The following CHD5 variants were observed in gnomAD, a reference collection of about 807,000 sequenced individuals.
CHD5 encodes the protein ATP-dependent chromatin remodeler CHD5.
CHD5 carries 69 observed loss-of-function variants against 230.3 expected under a neutral mutation model. That is an observed-to-expected ratio of 0.30 (90% CI 0.25 to 0.37). CHD5 has a LOEUF of 0.37. Among genes scored for constraint, CHD5 ranks in the 10% least tolerant of loss-of-function variants. CHD5 has a pLI of 1.00. For synonymous variants in CHD5, 1,064 were observed against 1,065.9 expected (o/e 1.00, Z 0.03); for missense variants, 1,827 against 2,622.8 (o/e 0.70, Z 6.63).
At chr1:6,158,037 A>G (rs545173105) in intron 3 of CHD5, among the ~76,000 whole-genome samples, 43 of 152,246 alleles carry the variant, frequency 2.8e-4, no homozygotes, top group Admixed American at 7.8e-4. Flanking sequence ...TTATCTTTAA[A>G]TCTGTGACCA....
rs910649905 is a variant in CHD5 at position 6,180,280 on chromosome 1, C to G, written c.-257G>C. ...CGCCCCGCAGCCCGAGTCCCGCAGC[C>G]GGCCGAGGGTGGCGGCGGCAGCGCC... On this transcript the variant is annotated 5_prime_UTR_variant, in exon 1 of 42. Transcript: ENST00000262450. 2.0e-5 allele frequency among the ~76,000 whole-genome samples: 3 copies of G among 151,024 alleles called. No homozygotes were observed. The highest frequency in any genetic ancestry group is 3.0e-5 in the Non-Finnish European group (2 of 67,652).
chr1:6,139,169 C>T (rs1024423925), intron 15 of CHD5, among the ~76,000 whole-genome samples: 2 of 152,216 alleles, frequency 1.3e-5, no homozygotes, highest in Non-Finnish European at 2.9e-5. Flanking sequence ...AAGAGTTCTG[C>T]AGACTGGTTG....
chr1:6,106,376 G>C lies in CHD5; in HGVS notation c.5857+19C>G. The C allele has an allele frequency of 6.2e-7, 1 of 1,606,904 alleles. No homozygotes were observed. The highest frequency in any genetic ancestry group is 1.1e-5 in the South Asian group (1 of 90,564). The stretch of plus-strand genomic sequence containing the variant: ...GCGGGCACCCGTGTGCATGCTGCCC[G>C]GAGCGGACGGGCACCTACCGGTCAC... On this transcript the variant is annotated intron_variant, in intron 40 of 41. Coordinates refer to ENST00000262450, the MANE Select transcript of CHD5 (RefSeq NM_015557.3).
At chr1:6,107,689 GGATGGAGGGATGATGGAGA>G (rs1234906879) in intron 38 of CHD5, among the ~76,000 whole-genome samples, 1 of 142,190 alleles carries the variant, frequency 7.0e-6, no homozygotes, top group Non-Finnish European at 1.5e-5. Flanking sequence ...GATAATATAG[GGATGGAGGGATGATGGAGA>G]GATGGAGGGA....
intron 15 of CHD5, among the ~76,000 whole-genome samples, chr1:6,137,346 A>C (rs1388387747): frequency 6.6e-6 from 1 of 152,174 alleles, no homozygotes; most frequent in Admixed American, 6.5e-5. Flanking sequence ...AACTCAAGTG[A>C]ACCGCCCACC....
rs1232715298 is a variant in CHD5 at position 6,154,818 on chromosome 1, C to G, written c.587G>C (p.Ser196Thr). ...GCTGCCCTTGAAGGGGTTGTTGGCG[C>G]TGAACTCCCGCCACTTGGCACCCAG... is the stretch of plus-strand genomic sequence containing the variant. Reference protein sequence around the residue: ...TVLGAKWREFSANNPFKGSSA... With the variant: ...TVLGAKWREFTANNPFKGSSA... The change falls in exon 5 of 42, where the codon AGC (serine) becomes ACC (threonine). Residue 196 changes from serine to threonine, a missense_variant. Physicochemically the swap from Ser to Thr is moderately conservative, Grantham distance 58. Coordinates refer to ENST00000262450, the MANE Select transcript of CHD5 (RefSeq NM_015557.3). This position sits in a 1 kb window ranked among gnomAD's most constrained non-coding sequence, Gnocchi z 7.0. 1 of 1,613,794 alleles carries G rather than the reference C, an allele frequency of 6.2e-7. No individual in the cohort carries two copies. The highest frequency in any genetic ancestry group is 2.2e-5 in the East Asian group (1 of 44,886).
chr1:6,136,303 T>A (rs572261502), intron 17 of CHD5, among the ~76,000 whole-genome samples: 1 of 152,286 alleles, frequency 6.6e-6, no homozygotes, highest in African/African-American at 2.4e-5. Context: ...TAGCAGCAGT[T>A]GATATTTACC....
chr1:6,129,963 C>T lies in CHD5; in HGVS notation c.3387+241G>A, dbSNP rs180768181. On this transcript the variant is annotated intron_variant, in intron 22 of 41. Coordinates refer to ENST00000262450, the MANE Select transcript of CHD5 (RefSeq NM_015557.3). This position sits in a 1 kb window ranked among gnomAD's most constrained non-coding sequence, Gnocchi z 6.8. ...AGGAACTGCTGTGCGCCCTGGGACACTTCCCCTGCCCTCTCCAAGCCTGCT... is the reference window on the plus strand; with the variant it reads ...AGGAACTGCTGTGCGCCCTGGGACATTTCCCCTGCCCTCTCCAAGCCTGCT... 6.6e-6 allele frequency among the ~76,000 whole-genome samples: 1 copy of T among 152,310 alleles called. No homozygotes were observed. The highest frequency in any genetic ancestry group is 1.5e-5 in the Non-Finnish European group (1 of 68,016).
At chr1:6,179,678 C>G (rs1431204310) in intron 1 of CHD5, among the ~76,000 whole-genome samples, 2 of 148,662 alleles carry the variant, frequency 1.3e-5, no homozygotes, top group Non-Finnish European at 3.0e-5. Flanking sequence ...CCGCGGTCCT[C>G]TGGCCCGCCT....
At chr1:6,118,370 C>T (rs1666410223) in intron 33 of CHD5, among the ~76,000 whole-genome samples, 2 of 129,162 alleles carry the variant, frequency 1.5e-5, no homozygotes, top group Admixed American at 8.6e-5. Context: ...TAGAGCAAGA[C>T]CCTGTCTCAA....
chr1:6,128,245 G>C lies in CHD5; in HGVS notation c.3731-27C>G. The C allele has an allele frequency of 6.2e-7, 1 of 1,610,276 alleles. No individual in the cohort carries two copies. The highest frequency in any genetic ancestry group is 1.1e-5 in the South Asian group (1 of 90,808). On this transcript the variant is annotated intron_variant, in intron 24 of 41. Transcript: ENST00000262450. This position sits in a 1 kb window ranked among gnomAD's most constrained non-coding sequence, Gnocchi z 7.8. ...TGGGGAGCAGGCAAATGCAGTGTGA[G>C]GACAAAGACTGCCCTGGTCCAGCCC...
intron 3 of CHD5, among the ~76,000 whole-genome samples, chr1:6,156,577 T>C (rs1667084601): frequency 6.7e-6 from 1 of 149,612 alleles, no homozygotes; most frequent in Admixed American, 6.7e-5. Flanking sequence ...CTCCCCAGGA[T>C]GCCAGGTATA....
In CHD5 at chr1:6,180,058, C is replaced by A. The variant is rs920876860; in HGVS notation, c.-35G>T. 1.7e-6 allele frequency: 2 copies of A among 1,186,632 alleles called. No homozygotes were observed. The highest frequency in any genetic ancestry group is 2.0e-5 in the South Asian group (1 of 50,072). 73.5% of individuals were successfully genotyped at this position (1,186,632 alleles called of 1,614,324 possible). On this transcript the variant is annotated 5_prime_UTR_variant, in exon 1 of 42. Coordinates refer to ENST00000262450, the MANE Select transcript of CHD5 (RefSeq NM_015557.3). ...GGGGAGGAGGGGAGGTGGGCGCCCCCCCTCCCGCCGGGCGCGGTGCCAGCC... is the reference window on the plus strand; with the variant it reads ...GGGGAGGAGGGGAGGTGGGCGCCCCACCTCCCGCCGGGCGCGGTGCCAGCC...
chr1:6,141,791 C>A (rs115523333), intron 15 of CHD5, among the ~76,000 whole-genome samples: 82 of 152,234 alleles, frequency 5.4e-4, no homozygotes, highest in African/African-American at 1.9e-3. Flanking sequence ...GAACCCCTGC[C>A]GCCACCAGGA....
chr1:6,127,177 CG>C (rs1179814636), intron 25 of CHD5: 1 of 180,016 alleles, frequency 5.6e-6, no homozygotes, highest in African/African-American at 2.4e-5. Context: ...GGGGTTTGCC[CG>C]GTAGAGAAGG....
intron 33 of CHD5, among the ~76,000 whole-genome samples, chr1:6,120,168 A>G (rs759441401): frequency 6.6e-6 from 1 of 152,030 alleles, no homozygotes; most frequent in Non-Finnish European, 1.5e-5. Flanking sequence ...GCCCTAATGC[A>G]TATAGTTAGA....
chr1:6,120,740 T>A (rs1666455300), intron 33 of CHD5, among the ~76,000 whole-genome samples: 1 of 152,070 alleles, frequency 6.6e-6, no homozygotes. Flanking sequence ...TCGTCTCTAC[T>A]AAAAATACAA....
At chr1:6,172,648 G>A (rs1667357296) in intron 1 of CHD5, among the ~76,000 whole-genome samples, 1 of 152,064 alleles carries the variant, frequency 6.6e-6, no homozygotes, top group Non-Finnish European at 1.5e-5. Context: ...CTCTCCCCCA[G>A]CACCCTCCCA....
At chr1:6,118,546 T>C (rs1666413345) in intron 33 of CHD5, among the ~76,000 whole-genome samples, 1 of 152,148 alleles carries the variant, frequency 6.6e-6, no homozygotes, top group Admixed American at 6.5e-5. Context: ...ACAGAAGTGA[T>C]TGCCAGGGGC....
Sources: allele counts gnomAD v4.1 joint callset (sites outside exome capture counted in the v4.1 genomes callset), GRCh38; gene constraint gnomAD v4.1.1; non-coding constraint Gnocchi (gnomAD v3.1); transcripts MANE v1.5; gene names NCBI Gene and HGNC (gene_info 2026-07-23, HGNC 2026-07-21).